The following NXN variants were observed in gnomAD, a reference collection of about 807,000 sequenced individuals.
The protein encoded by NXN is nucleoredoxin, also known as nucleoredoxin 1.
A neutral mutation model predicts 48.6 loss-of-function variants in NXN; 16 were observed. That is an observed-to-expected ratio of 0.33 (90% CI 0.22 to 0.50). The LOEUF (loss-of-function observed/expected upper bound fraction) is 0.50. Ranked by LOEUF, NXN falls within the 20% of genes least tolerant of loss-of-function variation. The probability of loss-of-function intolerance (pLI) is 0.98; values close to 1 mark genes in which losing one functional copy is unlikely to be tolerated. For synonymous variants in NXN, 281 were observed against 269.6 expected (o/e 1.04, Z -0.41); for missense variants, 492 against 605.5 (o/e 0.81, Z 1.97).
chr17:825,847 C>T lies in NXN; in HGVS notation c.478+114G>A, dbSNP rs1298106895. ...CGACATTCTCTACCACGTAAACCCACGTGTATCTATTTCACCAGTACTCTC... is the reference window on the plus strand; with the variant it reads ...CGACATTCTCTACCACGTAAACCCATGTGTATCTATTTCACCAGTACTCTC... On this transcript the variant is annotated intron_variant, in intron 2 of 7. Transcript: ENST00000336868. This position sits in a 1 kb window ranked among gnomAD's most constrained non-coding sequence, Gnocchi z 4.1. The T allele has an allele frequency of 2.9e-6, 2 of 685,456 alleles. No homozygotes were observed. Among genetic ancestry groups the T allele is most frequent in the Non-Finnish European group, 5.2e-6 (2 of 386,772 alleles). The allele number at this position is 685,456 out of a possible 1,614,324, so 42.5% of individuals were successfully genotyped here.
chr17:903,359 C>CAACGCCAAGCT (rs2068554489), intron 1 of NXN, among the ~76,000 whole-genome samples: 1 of 149,840 alleles, frequency 6.7e-6, no homozygotes, highest in South Asian at 2.1e-4. Flanking sequence ...GCGCCCGCCA[C>CAACGCCAAGCT]CATGCCCAGT....
At chr17:979,113 G>T (rs1366809727) in intron 1 of NXN, among the ~76,000 whole-genome samples, 122 of 113,420 alleles carry the variant, frequency 1.1e-3, no homozygotes, top group African/African-American at 4.1e-3. Context: ...GCGGAAGGGG[G>T]GGGGGCAGAG....
intron 1 of NXN, among the ~76,000 whole-genome samples, chr17:957,259 C>A (rs572492458): frequency 6.6e-6 from 1 of 152,006 alleles, no homozygotes; most frequent in African/African-American, 2.4e-5. Flanking sequence ...TGGAAAACAC[C>A]TAGAGGAACT....
rs1567828176 is a variant in NXN at position 841,660 on chromosome 17, C to CACGG, written c.361-15583_361-15582insCCGT. On this transcript the variant is annotated intron_variant, in intron 1 of 7. Coordinates refer to ENST00000336868, the MANE Select transcript of NXN (RefSeq NM_022463.5). ...TCCACCCTGACCACAGCGCATCTCA[C>CACGG]GCCGGCGAGCAGGTCCACCCTGACC... 4.6e-4 allele frequency among the ~76,000 whole-genome samples: 50 copies of CACGG among 109,266 alleles called. 2 individuals are homozygous for CACGG. Among genetic ancestry groups the CACGG allele is most frequent in the Non-Finnish European group, 8.0e-4 (38 of 47,262 alleles). 71.7% of individuals were successfully genotyped at this position (109,266 alleles called of 152,430 possible).
chr17:863,467 GTGTTT>G (rs1324776625), intron 1 of NXN, among the ~76,000 whole-genome samples: 3 of 151,894 alleles, frequency 2.0e-5, no homozygotes, highest in Non-Finnish European at 4.4e-5. Flanking sequence ...ACGCTCAGCC[GTGTTT>G]TGTTTTGAGA....
At chr17:934,775 G>A (rs982092514) in intron 1 of NXN, among the ~76,000 whole-genome samples, 1 of 151,920 alleles carries the variant, frequency 6.6e-6, no homozygotes, top group Non-Finnish European at 1.5e-5. Context: ...TTGGGAGGCT[G>A]AGGCAGGAGA....
At chr17:891,910 C>G (rs2068424526) in intron 1 of NXN, among the ~76,000 whole-genome samples, 2 of 130,540 alleles carry the variant, frequency 1.5e-5, no homozygotes, top group Admixed American at 7.9e-5. Flanking sequence ...GGAACCTAAA[C>G]TAACCCCACC....
At chr17:948,362 CAGAAAAAAA>C (rs766527254) in intron 1 of NXN, among the ~76,000 whole-genome samples, 1 of 151,736 alleles carries the variant, frequency 6.6e-6, no homozygotes, top group Non-Finnish European at 1.5e-5. Context: ...GGAAACAAAA[CAGAAAAAAA>C]AGAAGAAAAT....
intron 7 of NXN, among the ~76,000 whole-genome samples, chr17:802,848 G>T (rs930107590): frequency 3.3e-5 from 5 of 152,030 alleles, no homozygotes; most frequent in Non-Finnish European, 5.9e-5. Context: ...TCCAAACACA[G>T]CGTGAAATCA....
At chr17:827,125 C>T (rs757607331) in intron 1 of NXN, among the ~76,000 whole-genome samples, 7 of 151,852 alleles carry the variant, frequency 4.6e-5, no homozygotes, top group African/African-American at 1.2e-4. Flanking sequence ...GGGAGGATCA[C>T]CTGAGGTCAG....
At position 933,060 on chromosome 17, in the gene NXN, C is replaced by T. The variant is rs72812047; in HGVS notation, c.360+46259G>A. Among the ~76,000 whole-genome samples the T allele has an allele frequency of 3.6e-4, 55 of 152,234 alleles. 1 individual carries two copies. The highest frequency in any genetic ancestry group is 7.1e-4 in the Non-Finnish European group (48 of 68,030). ...AGCTCCCAAGTGGGCGAAAAAGTCC[C>T]GAGAGGTTCCAGAAGGCAAGATCAT... On this transcript the variant is annotated intron_variant, in intron 1 of 7. Coordinates refer to ENST00000336868, the MANE Select transcript of NXN (RefSeq NM_022463.5).
intron 1 of NXN, among the ~76,000 whole-genome samples, chr17:923,417 G>A (rs754471479): frequency 7.2e-5 from 11 of 152,140 alleles, no homozygotes; most frequent in Non-Finnish European, 1.0e-4. Context: ...TAGCTACCCC[G>A]GAGGCTGAGA....
intron 5 of NXN, among the ~76,000 whole-genome samples, chr17:810,875 C>T (rs887308751): frequency 6.6e-6 from 1 of 151,598 alleles, no homozygotes; most frequent in African/African-American, 2.4e-5. Context: ...GGCGACAGAG[C>T]GAGACTCTGC....
intron 1 of NXN, among the ~76,000 whole-genome samples, chr17:955,162 CTTTTTTT>C (rs749641262): frequency 1.6e-5 from 2 of 125,192 alleles, no homozygotes; most frequent in Non-Finnish European, 3.3e-5. Context: ...TCATCTCTTT[CTTTTTTT>C]TTTTTTTTTT....
chr17:905,294 A>G (rs2068573219), intron 1 of NXN: 1 of 142,742 alleles, frequency 7.0e-6, no homozygotes, highest in Non-Finnish European at 1.6e-5. Flanking sequence ...ATGGTAATGC[A>G]CACACATAGT....
chr17:861,649 C>A (rs569685319), intron 1 of NXN, among the ~76,000 whole-genome samples: 1 of 152,038 alleles, frequency 6.6e-6, no homozygotes, highest in African/African-American at 2.4e-5. Flanking sequence ...AATGCTTACA[C>A]GATGCTGGGA....
chr17:843,019 AG>A, intron 1 of NXN, among the ~76,000 whole-genome samples: 1 of 110,208 alleles, frequency 9.1e-6, no homozygotes, highest in South Asian at 2.8e-4. Flanking sequence ...AAAGAAAGAA[AG>A]AAAGAAAGAA....
intron 1 of NXN, among the ~76,000 whole-genome samples, chr17:870,550 C>G (rs1026424454): frequency 6.6e-6 from 1 of 151,942 alleles, no homozygotes; most frequent in Non-Finnish European, 1.5e-5. Flanking sequence ...CGAGACCAGC[C>G]TGGACAATAT....
chr17:812,384 G>A (rs1187696563), intron 5 of NXN, among the ~76,000 whole-genome samples: 1 of 152,206 alleles, frequency 6.6e-6, no homozygotes, highest in Non-Finnish European at 1.5e-5. Flanking sequence ...GGTGTACCTG[G>A]CACTGCTCTG....
Sources: gnomAD v4.1 joint callset for allele counts (sites outside exome capture counted in the v4.1 genomes callset) on GRCh38, gnomAD v4.1.1 for gene constraint, Gnocchi (gnomAD v3.1) non-coding constraint, MANE v1.5 for transcripts, NCBI Gene and HGNC (gene_info 2026-07-23, HGNC 2026-07-21) for gene names.